Variants in SOS1 observed in about 807,000 individuals in gnomAD.
SOS1 encodes the protein SOS Ras/Rac guanine nucleotide exchange factor 1.
Under a neutral mutation model 157.6 loss-of-function variants are expected in SOS1, and 25 were observed. The ratio of observed to expected loss-of-function variants is 0.16; its 90% CI spans 0.12 to 0.22. The LOEUF (loss-of-function observed/expected upper bound fraction) is 0.22, where lower values mean the gene tolerates loss of function less well. Ranked by LOEUF, SOS1 falls within the 10% of genes least tolerant of loss-of-function variation. SOS1 has a pLI of 1.00. For synonymous variants in SOS1, 528 were observed against 534.0 expected (o/e 0.99, Z 0.16); for missense variants, 1,237 against 1,599.1 (o/e 0.77, Z 3.86).
At chr2:39,033,358 C>T (rs1289290693) in intron 8 of SOS1, among the ~76,000 whole-genome samples, 1 of 151,972 alleles carries the variant, frequency 6.6e-6, no homozygotes, top group Non-Finnish European at 1.5e-5. Context: ...CAGTAGAAAT[C>T]TTAAATTGCT....
chr2:39,068,693 AT>A (rs748917181), intron 1 of SOS1, among the ~76,000 whole-genome samples: 170 of 145,716 alleles, frequency 1.2e-3, no homozygotes, highest in Admixed American at 2.5e-3. Flanking sequence ...CATTTCTTTA[AT>A]TTTTTTTTTT....
rs1042583340 is a variant in SOS1, at chr2:39,118,887, T to C, written c.87+1449A>G. 2.6e-5 allele frequency among the ~76,000 whole-genome samples: 4 copies of C among 152,240 alleles called. No homozygotes were observed. The East Asian group carries it at 5.8e-4, about 22-fold the overall frequency. ...AAACAACGTCTGTCAACTCCTACAA[T>C]ATTCTTTCCACTGCTTCAAAGGATC... On this transcript the variant is annotated intron_variant, in intron 1 of 22. Transcript: ENST00000402219.
At chr2:39,032,109 CAT>C (rs1015361458) in intron 8 of SOS1, among the ~76,000 whole-genome samples, 14 of 152,204 alleles carry the variant, frequency 9.2e-5, no homozygotes, top group Admixed American at 2.6e-4. Context: ...CTACTTAAAA[CAT>C]GTGCATTAAC....
chr2:39,117,465 T>C (rs980372442), intron 1 of SOS1, among the ~76,000 whole-genome samples: 6 of 152,220 alleles, frequency 3.9e-5, no homozygotes, highest in Non-Finnish European at 5.9e-5. Flanking sequence ...TCCAGCCATA[T>C]TCAGGAAAAG....
chr2:39,057,417 T>C (rs1671248198), intron 3 of SOS1, among the ~76,000 whole-genome samples: 1 of 152,128 alleles, frequency 6.6e-6, no homozygotes, highest in Admixed American at 6.5e-5. Context: ...AAGAAAATGT[T>C]AAATAGCCCT....
At chr2:39,116,606 C>T (rs1178214694) in intron 1 of SOS1, among the ~76,000 whole-genome samples, 1 of 152,226 alleles carries the variant, frequency 6.6e-6, no homozygotes, top group Non-Finnish European at 1.5e-5. Context: ...CACAGTGGCT[C>T]ACCCTGTAAT....
chr2:39,107,208 C>A (rs182786241), intron 1 of SOS1, among the ~76,000 whole-genome samples: 2 of 151,968 alleles, frequency 1.3e-5, no homozygotes, highest in African/African-American at 4.8e-5. Context: ...ATCATGAGAA[C>A]GAGCCTCTCA....
In SOS1 at chr2:39,120,408, C is replaced by A; in HGVS notation, c.15G>T (p.Gln5His). 1 of 1,593,792 alleles carries A rather than the reference C, an allele frequency of 6.3e-7. No individual in the cohort carries two copies. The highest frequency in any genetic ancestry group is 8.5e-7 in the Non-Finnish European group (1 of 1,171,962). MQAQ[Q>H]LPYEFFSEEN... ...CTTCGCTGAAAAACTCGTAGGGCAG[C>A]TGCTGCGCCTGCATGGTGCCCCCGG... Residue 5 changes from glutamine to histidine, a missense_variant, in exon 1 of 23, where the codon CAG becomes CAT. Transcript: ENST00000402219.
chr2:39,019,395 A>G (rs962390671), intron 10 of SOS1, among the ~76,000 whole-genome samples: 5 of 151,650 alleles, frequency 3.3e-5, no homozygotes, highest in Non-Finnish European at 4.4e-5. Flanking sequence ...CCTACTCTCA[A>G]CTTTTTATTT....
At chr2:39,023,651 A>G (rs942683405) in intron 9 of SOS1, 1 of 257,518 alleles carries the variant, frequency 3.9e-6, no homozygotes, top group Non-Finnish European at 7.4e-6. Context: ...AAGCAATGTT[A>G]TCTGAATTAA....
chr2:39,035,523 A>T, intron 6 of SOS1, 23 bp from the exon 7 acceptor site: 1 of 1,493,204 alleles, frequency 6.7e-7, no homozygotes. Context: ...AGAAGGTAAA[A>T]CATAAATAAT....
chr2:39,106,276 T>A (rs990575594), intron 1 of SOS1, among the ~76,000 whole-genome samples: 58 of 147,900 alleles, frequency 3.9e-4, no homozygotes, highest in Admixed American at 1.2e-3. Flanking sequence ...GTTACAGTTT[T>A]AAAAAAAAAA....
chr2:39,110,490 C>G (rs1169641990), intron 1 of SOS1, among the ~76,000 whole-genome samples: 1 of 151,670 alleles, frequency 6.6e-6, no homozygotes, highest in African/African-American at 2.4e-5. Context: ...AAAATCTCTT[C>G]AACAGGCTAC....
chr2:39,062,523 C>T (rs984213458), intron 2 of SOS1, among the ~76,000 whole-genome samples: 3 of 139,778 alleles, frequency 2.1e-5, no homozygotes, highest in East Asian at 4.2e-4. Context: ...AAAAAATGAA[C>T]GGAAAACGAA....
intron 17 of SOS1, among the ~76,000 whole-genome samples, chr2:38,998,908 C>G (rs575240870): frequency 6.6e-6 from 1 of 152,270 alleles, no homozygotes; most frequent in South Asian, 2.1e-4. Flanking sequence ...AGAAAGACCT[C>G]CAGCAGTCCA....
intron 8 of SOS1, among the ~76,000 whole-genome samples, chr2:39,031,138 T>C (rs565372578): frequency 3.9e-5 from 6 of 152,332 alleles, no homozygotes; most frequent in African/African-American, 1.2e-4. Context: ...TCTGACTTCG[T>C]GGTACTTTGC....
In SOS1 at chr2:39,013,583, T is replaced by C. The variant is rs756707478; in HGVS notation, c.2064-20A>G. 2 of 1,405,834 alleles carry C rather than the reference T, an allele frequency of 1.4e-6. No individual in the cohort carries two copies. The highest frequency in any genetic ancestry group is 1.0e-6 in the Non-Finnish European group (1 of 989,864). 87.1% of individuals were successfully genotyped at this position (1,405,834 alleles called of 1,614,324 possible). A position where few individuals can be genotyped will look rare whatever the true frequency, so the allele number is the denominator to read the frequency against. On this transcript the variant is annotated intron_variant, in intron 12 of 22. Coordinates refer to ENST00000402219, the MANE Select transcript of SOS1 (RefSeq NM_005633.4). ...AATACTCTATGGCATTAACACAGAA[T>C]TGAATTACATGGGAATCAAACATAA...
chr2:39,023,959 C>T lies in SOS1; in HGVS notation c.1202+51G>A, dbSNP rs1357355917. ...GAGGGAACTGGGATCCCTGAATTTA[C>T]ACCACAATATTCAGGGAAAAAAGGA... On this transcript the variant is annotated intron_variant, in intron 9 of 22. Coordinates refer to ENST00000402219, the MANE Select transcript of SOS1 (RefSeq NM_005633.4). 3.7e-6 allele frequency: 5 copies of T among 1,357,770 alleles called. No homozygotes were observed. In the Admixed American group the frequency reaches 5.2e-5, roughly 14 times the overall value. The allele number at this position is 1,357,770 out of a possible 1,614,324, so 84.1% of individuals were successfully genotyped here.
rs565472707 is a variant in SOS1, at chr2:39,006,758, A to G, written c.2674-229T>C. 7.9e-5 allele frequency among the ~76,000 whole-genome samples: 12 copies of G among 152,292 alleles called. 1 individual carries two copies. In the South Asian group the frequency reaches 2.3e-3, roughly 29 times the overall value. Reference sequence around the variant, plus strand: ...AGTTTATCATGTCATTCCTTACACAATTATGTGAACATTTAACTGTACATT... The same window carrying G: ...AGTTTATCATGTCATTCCTTACACAGTTATGTGAACATTTAACTGTACATT... On this transcript the variant is annotated intron_variant, in intron 16 of 22. Transcript: ENST00000402219.
Sources: allele counts gnomAD v4.1 joint callset (sites outside exome capture counted in the v4.1 genomes callset), GRCh38; gene constraint gnomAD v4.1.1; transcripts MANE v1.5; gene names NCBI Gene and HGNC (gene_info 2026-07-23, HGNC 2026-07-21).